Variants in MDGA2 observed in about 807,000 individuals in gnomAD.
MDGA2 encodes MAM domain-containing glycosylphosphatidylinositol anchor protein 2.
Under a neutral mutation model 117.8 loss-of-function variants are expected in MDGA2, and 40 were observed. The ratio of observed to expected loss-of-function variants is 0.34; its 90% CI spans 0.26 to 0.44. MDGA2 has a LOEUF of 0.44. Ranked by LOEUF, MDGA2 falls within the 20% of genes least tolerant of loss-of-function variation. MDGA2 has a pLI of 1.00. For synonymous variants in MDGA2, 452 were observed against 439.0 expected (o/e 1.03, Z -0.37); for missense variants, 1,123 against 1,250.6 (o/e 0.90, Z 1.54).
At chr14:47,109,090 A>G (rs1330788141) in intron 5 of MDGA2, among the ~76,000 whole-genome samples, 1 of 152,204 alleles carries the variant, frequency 6.6e-6, no homozygotes, top group Non-Finnish European at 1.5e-5. Flanking sequence ...GCAGAATCCC[A>G]GAGGGTCAGC....
At chr14:47,178,166 T>C (rs568658660) in intron 3 of MDGA2, among the ~76,000 whole-genome samples, 1 of 152,270 alleles carries the variant, frequency 6.6e-6, no homozygotes, top group South Asian at 2.1e-4. Context: ...TTAAGTAATA[T>C]TAAAATTCAT....
At chr14:47,067,954 T>C in intron 6 of MDGA2, among the ~76,000 whole-genome samples, 1 of 152,170 alleles carries the variant, frequency 6.6e-6, no homozygotes, top group East Asian at 1.9e-4. Context: ...CAACTCCATT[T>C]GCCAATCTAG....
In MDGA2 at chr14:46,970,566, T is replaced by C. The variant is rs1027567741; in HGVS notation, c.1820-12923A>G. 5.9e-5 allele frequency among the ~76,000 whole-genome samples: 9 copies of C among 152,114 alleles called. 1 individual carries two copies. Among genetic ancestry groups the C allele is most frequent in the Admixed American group, 2.0e-4 (3 of 15,260 alleles). On this transcript the variant is annotated intron_variant, in intron 8 of 16. Transcript: ENST00000399232. Reference sequence around the variant, plus strand: ...ACCCAAGATGGAATAAAGACTTATATGTAAAATTTAAAACTATAAAGCCAA... The same window carrying C: ...ACCCAAGATGGAATAAAGACTTATACGTAAAATTTAAAACTATAAAGCCAA...
At chr14:46,893,625 T>C (rs910995968) in intron 10 of MDGA2, among the ~76,000 whole-genome samples, 2 of 152,058 alleles carry the variant, frequency 1.3e-5, no homozygotes, top group Admixed American at 1.3e-4. Flanking sequence ...CATCATGTTG[T>C]ATACCTTAAA....
intron 1 of MDGA2, among the ~76,000 whole-genome samples, chr14:47,320,509 T>C (rs1357708950): frequency 6.6e-6 from 1 of 152,090 alleles, no homozygotes; most frequent in Non-Finnish European, 1.5e-5. Flanking sequence ...CATCTACCTA[T>C]CCTTCCTTCC....
At chr14:46,888,308 C>G (rs1882746578) in intron 10 of MDGA2, among the ~76,000 whole-genome samples, 1 of 151,784 alleles carries the variant, frequency 6.6e-6, no homozygotes, top group South Asian at 2.1e-4. Context: ...ACCAGAAAAC[C>G]CTCAGAGAAG....
chr14:46,919,536 A>G (rs1289617626), intron 10 of MDGA2, among the ~76,000 whole-genome samples: 2 of 152,240 alleles, frequency 1.3e-5, no homozygotes, highest in Non-Finnish European at 2.9e-5. Context: ...ATTTTACAAA[A>G]GTATTTCTAT....
intron 2 of MDGA2, among the ~76,000 whole-genome samples, chr14:47,280,574 T>C (rs1888454387): frequency 6.6e-6 from 1 of 152,056 alleles, no homozygotes; most frequent in Non-Finnish European, 1.5e-5. Flanking sequence ...TCTCCAACTG[T>C]GGAGATTTGT....
At chr14:47,306,365 T>C (rs921813160) in intron 1 of MDGA2, among the ~76,000 whole-genome samples, 2 of 152,200 alleles carry the variant, frequency 1.3e-5, no homozygotes, top group African/African-American at 4.8e-5. Flanking sequence ...TGAGGGGCCC[T>C]AAGCCCAATT....
At chr14:47,357,303 G>A (rs1452826689) in intron 1 of MDGA2, among the ~76,000 whole-genome samples, 3 of 152,176 alleles carry the variant, frequency 2.0e-5, no homozygotes, top group Non-Finnish European at 2.9e-5. Flanking sequence ...CTGCCCCTTG[G>A]GGGGTTTGCA....
At chr14:47,503,422 T>C (rs1332156336) in intron 1 of MDGA2, among the ~76,000 whole-genome samples, 47 of 97,384 alleles carry the variant, frequency 4.8e-4, no homozygotes, top group Non-Finnish European at 2.0e-5. Context: ...CTCTACTACC[T>C]TTTTTTTTTT....
At chr14:47,413,303 G>T (rs1892410214) in intron 1 of MDGA2, among the ~76,000 whole-genome samples, 4 of 152,142 alleles carry the variant, frequency 2.6e-5, no homozygotes, top group Non-Finnish European at 5.9e-5. Flanking sequence ...TTAAGAGCAT[G>T]TCCTTTAATA....
At chr14:47,655,410 C>T (rs1249717052) in intron 1 of MDGA2, among the ~76,000 whole-genome samples, 2 of 152,090 alleles carry the variant, frequency 1.3e-5, no homozygotes, top group East Asian at 3.9e-4. Context: ...CTGAAAGAAT[C>T]TGAATGTATT....
chr14:46,960,046 A>T (rs1489799758), intron 8 of MDGA2, among the ~76,000 whole-genome samples: 1 of 151,634 alleles, frequency 6.6e-6, no homozygotes, highest in Non-Finnish European at 1.5e-5. Flanking sequence ...ACATAGTGAA[A>T]CCCCGTCTCT....
chr14:47,599,234 C>T (rs1475397241), intron 1 of MDGA2, among the ~76,000 whole-genome samples: 2 of 151,762 alleles, frequency 1.3e-5, no homozygotes, highest in East Asian at 1.9e-4. Flanking sequence ...TCTGTTAAGC[C>T]ATTCCATCTA....
At chr14:46,973,811 T>A (rs1886354917) in intron 8 of MDGA2, among the ~76,000 whole-genome samples, 1 of 152,062 alleles carries the variant, frequency 6.6e-6, no homozygotes, top group Non-Finnish European at 1.5e-5. Context: ...GTTAAATAGC[T>A]GTTATAACAA....
chr14:46,856,004 GATA>G (rs1472131219), intron 14 of MDGA2, among the ~76,000 whole-genome samples: 4 of 151,958 alleles, frequency 2.6e-5, no homozygotes, highest in African/African-American at 7.3e-5. Flanking sequence ...TATTAATGAT[GATA>G]ATGATATTAA....
chr14:47,441,066 C>T (rs1166356657), intron 1 of MDGA2, among the ~76,000 whole-genome samples: 1 of 152,046 alleles, frequency 6.6e-6, no homozygotes, highest in Non-Finnish European at 1.5e-5. Flanking sequence ...ATACATGCCA[C>T]AAATAGAATG....
intron 8 of MDGA2, among the ~76,000 whole-genome samples, chr14:47,026,395 A>T (rs1888474189): frequency 6.6e-6 from 1 of 152,018 alleles, no homozygotes; most frequent in Admixed American, 6.6e-5. Flanking sequence ...CTTTGAATTT[A>T]TTTTTTTCTA....
Sources: allele counts gnomAD v4.1 joint callset (sites outside exome capture counted in the v4.1 genomes callset), GRCh38; gene constraint gnomAD v4.1.1; transcripts MANE v1.5; gene names NCBI Gene and HGNC (gene_info 2026-07-23, HGNC 2026-07-21).